Variants in NIPA1 observed in about 807,000 individuals in gnomAD.
NIPA1 encodes the protein NIPA magnesium transporter 1, also known as magnesium transporter NIPA1.
In NIPA1, 13 loss-of-function variants were observed where a neutral mutation model predicts 23.9. That is an observed-to-expected ratio of 0.54 (90% CI 0.35 to 0.87). The LOEUF (loss-of-function observed/expected upper bound fraction) is 0.87. Among genes scored for constraint, NIPA1 ranks in the 40% least tolerant of loss-of-function variants. NIPA1 has a pLI of 0.01. For missense variants in NIPA1, 362 were observed against 429.7 expected, an observed-to-expected ratio of 0.84 and a Z score of 1.39; for synonymous variants, 234 against 202.9, an observed-to-expected ratio of 1.15 and a Z score of -1.30.
chr15:22,817,132 A>T (rs760625182), intron 3 of NIPA1, among the ~76,000 whole-genome samples: 2 of 142,822 alleles, frequency 1.4e-5, no homozygotes, highest in Non-Finnish European at 3.0e-5. Context: ...GGTTACAGTG[A>T]GCCGAGATTG....
At position 22,820,297 on chromosome 15, in the gene NIPA1, T is replaced by C. The variant is rs777528358; in HGVS notation, c.318-16T>C. ...GTTTGGTTTAAACTTTAATGATTTCTCTTTTTTCAATAAAGGTCCATTTTA... is the reference window on the plus strand; with the variant it reads ...GTTTGGTTTAAACTTTAATGATTTCCCTTTTTTCAATAAAGGTCCATTTTA... On this transcript the variant is annotated splice_polypyrimidine_tract_variant and intron_variant, in intron 3 of 4. Transcript: ENST00000337435. The C allele has an allele frequency of 6.3e-7, 1 of 1,586,584 alleles. No homozygotes were observed. The highest frequency in any genetic ancestry group is 1.7e-5 in the Admixed American group (1 of 59,986).
At chr15:22,793,548 C>T (rs1416241192) in intron 1 of NIPA1, among the ~76,000 whole-genome samples, 2 of 151,714 alleles carry the variant, frequency 1.3e-5, no homozygotes, top group East Asian at 3.9e-4. Context: ...TCAAGGGATC[C>T]TCCTGCCTCA....
At chr15:22,787,824 C>T (rs1237248866) in intron 1 of NIPA1, among the ~76,000 whole-genome samples, 4 of 152,186 alleles carry the variant, frequency 2.6e-5, no homozygotes, top group Non-Finnish European at 4.4e-5. Context: ...GCAGGTGAAA[C>T]TTTCTCTGAG....
chr15:22,796,693 G>A lies in NIPA1; in HGVS notation c.178+9859G>A, dbSNP rs1033649987. 7.9e-5 allele frequency among the ~76,000 whole-genome samples: 12 copies of A among 152,068 alleles called. 1 individual carries two copies. Among genetic ancestry groups the A allele is most frequent in the African/African-American group, 2.4e-4 (10 of 41,404 alleles). ...ACTAGAAAAGATCACTTTCAGAAAG[G>A]AAATGTTCAGTCTCACACTCCTACT... On this transcript the variant is annotated intron_variant, in intron 1 of 4. Coordinates refer to ENST00000337435, the MANE Select transcript of NIPA1 (RefSeq NM_144599.5).
chr15:22,804,284 G>A (rs929381214), intron 1 of NIPA1, among the ~76,000 whole-genome samples: 7 of 151,588 alleles, frequency 4.6e-5, no homozygotes, highest in African/African-American at 9.7e-5. Flanking sequence ...AGCTGGGCCC[G>A]GCTAATTTTT....
intron 4 of NIPA1, among the ~76,000 whole-genome samples, chr15:22,821,435 C>T (rs991466990): frequency 2.0e-5 from 3 of 151,642 alleles, no homozygotes; most frequent in Non-Finnish European, 4.4e-5. Context: ...TGTCCACACT[C>T]GCTGGTTTGC....
At chr15:22,795,118 G>T (rs1017860355) in intron 1 of NIPA1, among the ~76,000 whole-genome samples, 1 of 151,988 alleles carries the variant, frequency 6.6e-6, no homozygotes, top group Admixed American at 6.6e-5. Context: ...CCTTACTTAC[G>T]TCCTACTAAG....
intron 1 of NIPA1, among the ~76,000 whole-genome samples, chr15:22,799,820 T>C (rs1424559289): frequency 6.7e-5 from 10 of 148,242 alleles, no homozygotes; most frequent in Admixed American, 6.1e-4. Flanking sequence ...GTGGTGCACC[T>C]GTAGTCTCAG....
intron 1 of NIPA1, among the ~76,000 whole-genome samples, chr15:22,806,049 G>A (rs1010922813): frequency 5.9e-5 from 9 of 151,982 alleles, no homozygotes; most frequent in African/African-American, 2.2e-4. Context: ...TCAGCCTCCC[G>A]AATAGCTGGG....
rs1157651886 is a variant in NIPA1, at chr15:22,829,493, A to G, written c.*5254A>G. On this transcript the variant is annotated 3_prime_UTR_variant, in exon 5 of 5. Transcript: ENST00000337435. The stretch of plus-strand genomic sequence containing the variant: ...AGTGGCTTGAGCGTTTTGCCTTTTC[A>G]AAGGATAACTATTATTTTCTTGAAA... 6.6e-6 allele frequency: 1 copy of G among 152,456 alleles called. No homozygotes were observed. Among genetic ancestry groups the G allele is most frequent in the Non-Finnish European group, 1.5e-5 (1 of 68,036 alleles). 9.4% of individuals were successfully genotyped at this position (152,456 alleles called of 1,614,324 possible).
intron 1 of NIPA1, among the ~76,000 whole-genome samples, chr15:22,794,786 G>A (rs1894907823): frequency 6.6e-6 from 1 of 152,144 alleles, no homozygotes; most frequent in South Asian, 2.1e-4. Context: ...GAGACGGAAC[G>A]AGGTTAGTTC....
Position 22,824,029 on chromosome 15 carries a change from C to A in NIPA1, c.780C>A (p.Phe260Leu). 6.2e-7 allele frequency: 1 copy of A among 1,614,096 alleles called. No homozygotes were observed. Among genetic ancestry groups the A allele is most frequent in the Non-Finnish European group, 8.5e-7 (1 of 1,179,960 alleles). ...KALECFDSSVFGAIYYVVFTT... is the reference protein window; with the variant it reads ...KALECFDSSVLGAIYYVVFTT... The stretch of plus-strand genomic sequence containing the variant: ...TGGAGTGCTTCGACTCCTCGGTGTT[C>A]GGGGCCATCTACTACGTCGTGTTTA... The change falls in exon 5 of 5, where the codon TTC (phenylalanine) becomes TTA (leucine). Residue 260 changes from phenylalanine (F) to leucine (L), a missense_variant. Coordinates refer to ENST00000337435, the MANE Select transcript of NIPA1 (RefSeq NM_144599.5). This position sits in a 1 kb window ranked among gnomAD's most constrained non-coding sequence, Gnocchi z 4.1.
At chr15:22,799,209 A>T (rs1433667644) in intron 1 of NIPA1, among the ~76,000 whole-genome samples, 1 of 152,198 alleles carries the variant, frequency 6.6e-6, no homozygotes, top group African/African-American at 2.4e-5. Context: ...CAGATAAAGA[A>T]AATGTGACAC....
At chr15:22,800,724 T>G (rs913530856) in intron 1 of NIPA1, among the ~76,000 whole-genome samples, 1 of 151,864 alleles carries the variant, frequency 6.6e-6, no homozygotes. Context: ...GTCAGGAGAT[T>G]GAGACCATCC....
intron 3 of NIPA1, among the ~76,000 whole-genome samples, chr15:22,815,004 C>G (rs1209565944): frequency 6.6e-6 from 1 of 152,132 alleles, no homozygotes; most frequent in African/African-American, 2.4e-5. Flanking sequence ...CTCAACCTCC[C>G]CAAAATGTCT....
At chr15:22,810,974 A>T in intron 2 of NIPA1, 178 bp downstream of exon 2, 1 of 644,732 alleles carries the variant, frequency 1.6e-6, no homozygotes, top group Non-Finnish European at 2.8e-6. Context: ...TCCCCAGGGC[A>T]CTCTCCCTGC....
intron 3 of NIPA1, 55 bp downstream of exon 3, chr15:22,812,308 T>C (rs1895334472): frequency 3.1e-6 from 4 of 1,286,658 alleles, no homozygotes; most frequent in Non-Finnish European, 4.5e-6. Flanking sequence ...ATAACAACTT[T>C]TCATTTTAAA....
chr15:22,786,341 C>G (rs1032772853), upstream of NIPA1: 1 of 152,852 alleles, frequency 6.5e-6, no homozygotes, highest in Non-Finnish European at 1.5e-5. Flanking sequence ...TTGCAGAGGA[C>G]ACCACTCAGA....
At chr15:22,807,799 T>TGTGTGTGTGA (rs140818178) in intron 1 of NIPA1, among the ~76,000 whole-genome samples, 1 of 151,798 alleles carries the variant, frequency 6.6e-6, no homozygotes, top group African/African-American at 2.4e-5. Flanking sequence ...TGTGTGTGTG[T>TGTGTGTGTGA]GTGTGATGGA....
Sources: allele counts gnomAD v4.1 joint callset (sites outside exome capture counted in the v4.1 genomes callset), GRCh38; gene constraint gnomAD v4.1.1; non-coding constraint Gnocchi (gnomAD v3.1); transcripts MANE v1.5; gene names NCBI Gene and HGNC (gene_info 2026-07-23, HGNC 2026-07-21).